UBE2N: variants seen among roughly 807,000 people sequenced by gnomAD.
UBE2N encodes the protein ubiquitin-conjugating enzyme E2 N.
For synonymous variants in UBE2N, 70 were observed against 69.2 expected (o/e 1.01, Z -0.06); for missense variants, 60 against 192.1 (o/e 0.31, Z 4.07).
At chr12:93,412,855 C>G (rs1382690817) in intron 1 of UBE2N, among the ~76,000 whole-genome samples, 2 of 152,184 alleles carry the variant, frequency 1.3e-5, no homozygotes, top group African/African-American at 4.8e-5. Context: ...CATGCCAGGG[C>G]AAATATTTAG....
intron 1 of UBE2N, chr12:93,429,320 A>C (rs1017734054): frequency 2.9e-5 from 12 of 419,830 alleles, no homozygotes; most frequent in African/African-American, 4.2e-5. Context: ...TGATATATAA[A>C]TGAATGCAAG....
intron 1 of UBE2N, among the ~76,000 whole-genome samples, chr12:93,433,464 A>G (rs1408176584): frequency 6.6e-6 from 1 of 152,188 alleles, no homozygotes; most frequent in African/African-American, 2.4e-5. Context: ...ATTCCCTATT[A>G]TTTAATTGCC....
At chr12:93,411,585 G>T (rs1295265591) in intron 1 of UBE2N, among the ~76,000 whole-genome samples, 1 of 152,112 alleles carries the variant, frequency 6.6e-6, no homozygotes, top group Non-Finnish European at 1.5e-5. Flanking sequence ...TTTTACTCAA[G>T]TAAAATAAAG....
At chr12:93,419,374 G>A (rs562683092) in intron 1 of UBE2N, among the ~76,000 whole-genome samples, 4 of 150,324 alleles carry the variant, frequency 2.7e-5, no homozygotes, top group Admixed American at 2.6e-4. Flanking sequence ...TGGGCAACAA[G>A]AGTGAAACTC....
At chr12:93,415,998 T>C (rs1878195622) in intron 1 of UBE2N, among the ~76,000 whole-genome samples, 1 of 152,256 alleles carries the variant, frequency 6.6e-6, no homozygotes, top group Admixed American at 6.5e-5. Context: ...TCATGTGACC[T>C]GATCAAGCCT....
intron 1 of UBE2N, among the ~76,000 whole-genome samples, chr12:93,435,681 T>C (rs1408046626): frequency 1.3e-5 from 2 of 152,122 alleles, no homozygotes; most frequent in Non-Finnish European, 1.5e-5. Context: ...AAAAATACCT[T>C]ATGCACTAGA....
In UBE2N at chr12:93,407,936, A is replaced by G. The variant is rs1308340890; in HGVS notation, c.*2103T>C. 1 of 152,244 alleles carries G rather than the reference A, an allele frequency of 6.6e-6. No individual in the cohort carries two copies. The highest frequency in any genetic ancestry group is 1.5e-5 in the Non-Finnish European group (1 of 68,042). 9.4% of individuals were successfully genotyped at this position (152,244 alleles called of 1,614,324 possible). A position where few individuals can be genotyped will look rare whatever the true frequency, so the allele number is the denominator to read the frequency against. On this transcript the variant is annotated 3_prime_UTR_variant, in exon 4 of 4. Transcript: ENST00000318066. Reference sequence around the variant, plus strand: ...CTGCAAAGGAAAAAAATATGATACCATGAAATTAGAAATTCACTGCATTTG... The same window carrying G: ...CTGCAAAGGAAAAAAATATGATACCGTGAAATTAGAAATTCACTGCATTTG...
intron 1 of UBE2N, among the ~76,000 whole-genome samples, chr12:93,434,961 G>C (rs1270575684): frequency 1.3e-5 from 2 of 151,938 alleles, no homozygotes; most frequent in African/African-American, 4.8e-5. Context: ...CTGGGGTGCA[G>C]TGGTGCCACT....
At chr12:93,410,144 T>A in intron 3 of UBE2N, 65 bp from the exon 4 acceptor site, 2 of 1,485,060 alleles carry the variant, frequency 1.3e-6, no homozygotes, top group Non-Finnish European at 1.9e-6. Context: ...TTCCAAACTA[T>A]AAATGGCAAA....
chr12:93,422,066 G>A (rs1051042064), intron 1 of UBE2N, among the ~76,000 whole-genome samples: 1 of 150,950 alleles, frequency 6.6e-6, no homozygotes, highest in Admixed American at 6.5e-5. Context: ...TTTCTGGAAA[G>A]ATTAAAAACC....
intron 1 of UBE2N, among the ~76,000 whole-genome samples, chr12:93,419,386 G>A (rs553109518): frequency 4.9e-4 from 72 of 147,664 alleles, no homozygotes; most frequent in Middle Eastern, 3.5e-3. Context: ...GTGAAACTCC[G>A]TCTCAAAAAA....
In UBE2N at chr12:93,431,385, T is replaced by C. The variant is rs566674031; in HGVS notation, c.30+10470A>G. 5.3e-4 allele frequency among the ~76,000 whole-genome samples: 81 copies of C among 152,360 alleles called. No homozygotes were observed. In the Middle Eastern group the frequency reaches 0.01, roughly 19 times the overall value. ...GCCAGTTATTATCTAGGAATAGACATGTTCTTCAGTATCCACAGTCTACAG... is the reference window on the plus strand; with the variant it reads ...GCCAGTTATTATCTAGGAATAGACACGTTCTTCAGTATCCACAGTCTACAG... On this transcript the variant is annotated intron_variant, in intron 1 of 3. Coordinates refer to ENST00000318066, the MANE Select transcript of UBE2N (RefSeq NM_003348.4).
intron 1 of UBE2N, chr12:93,429,277 A>G (rs903176828): frequency 2.4e-6 from 1 of 425,054 alleles, no homozygotes; most frequent in Non-Finnish European, 4.6e-6. Context: ...CTCAAAAAAA[A>G]AAAAAGAAAG....
rs187836511 is a variant in UBE2N at position 93,412,037 on chromosome 12, G to T, written c.31-738C>A. Among the ~76,000 whole-genome samples, 255 of 152,186 alleles carry T rather than the reference G, an allele frequency of 1.7e-3. 1 individual carries two copies. Among genetic ancestry groups the T allele is most frequent in the African/African-American group, 6.1e-3 (253 of 41,514 alleles). On this transcript the variant is annotated intron_variant, in intron 1 of 3. Transcript: ENST00000318066. ...ACTGAAAACCTCCCCTCTGAAAAAT[G>T]TAACGGACTAAAGAAAGGAGATAAG...
chr12:93,426,863 T>C (rs1049614384), intron 1 of UBE2N, among the ~76,000 whole-genome samples: 1 of 151,998 alleles, frequency 6.6e-6, no homozygotes, highest in Non-Finnish European at 1.5e-5. Flanking sequence ...CATGGGTGCA[T>C]CAGCAGATTT....
chr12:93,436,551 G>A (rs996133946), intron 1 of UBE2N, among the ~76,000 whole-genome samples: 1 of 152,128 alleles, frequency 6.6e-6, no homozygotes, highest in South Asian at 2.1e-4. Flanking sequence ...CTTTATGACA[G>A]GATTATGCAG....
intron 1 of UBE2N, among the ~76,000 whole-genome samples, chr12:93,419,319 G>A (rs976662863): frequency 1.3e-5 from 2 of 152,030 alleles, no homozygotes; most frequent in South Asian, 2.1e-4. Context: ...GAACCTGGGA[G>A]ACGGAGGTTG....
At chr12:93,420,126 A>G (rs11107018) in intron 1 of UBE2N, among the ~76,000 whole-genome samples, 20,423 of 152,202 alleles carry the variant, frequency 0.13, 1,813 homozygotes, top group Non-Finnish European at 0.19. Context: ...AGAAAAATCT[A>G]TTTCTAAGAT....
chr12:93,406,716 TC>T lies in UBE2N; in HGVS notation c.*3322del, dbSNP rs1464128730. 1 of 152,206 alleles carries T rather than the reference TC, an allele frequency of 6.6e-6. No individual in the cohort carries two copies. The highest frequency in any genetic ancestry group is 6.5e-5 in the Admixed American group (1 of 15,274). The allele number at this position is 152,206 out of a possible 1,614,324, so 9.4% of individuals were successfully genotyped here. The stretch of plus-strand genomic sequence containing the variant: ...ACATTATAATAGGTATTATAAGTAA[TC>T]TAAATATTAACATAAGCGGGAGGAT... On this transcript the variant is annotated 3_prime_UTR_variant, in exon 4 of 4. Coordinates refer to ENST00000318066, the MANE Select transcript of UBE2N (RefSeq NM_003348.4).
Sources: gnomAD v4.1 joint callset for allele counts (sites outside exome capture counted in the v4.1 genomes callset) on GRCh38, gnomAD v4.1.1 for gene constraint, MANE v1.5 for transcripts, NCBI Gene and HGNC (gene_info 2026-07-23, HGNC 2026-07-21) for gene names.